ENO4: variants seen among roughly 807,000 people sequenced by gnomAD.
ENO4 encodes enolase 4.
ENO4 carries 53 observed loss-of-function variants against 63.2 expected under a neutral mutation model. The observed-to-expected ratio is 0.84, with a 90% CI of 0.67 to 1.05. The LOEUF (loss-of-function observed/expected upper bound fraction) is 1.05. Among genes scored for constraint, ENO4 ranks in the 50% least tolerant of loss-of-function variants. The pLI is 0.00. For synonymous variants in ENO4, 266 were observed against 283.8 expected, an observed-to-expected ratio of 0.94 and a Z score of 0.63; for missense variants, 719 against 772.0, an observed-to-expected ratio of 0.93 and a Z score of 0.81.
intron 13 of ENO4, 99 bp downstream of exon 13, chr10:116,880,085 A>AAGACCATACAT: frequency 1.1e-6 from 1 of 884,522 alleles, no homozygotes; most frequent in Non-Finnish European, 1.7e-6. Flanking sequence ...AGGGCAGGGG[A>AAGACCATACAT]ATCCAAAGAC....
At chr10:116,901,327 G>A (rs1847726392) in intron 10 of ENO4, 1 of 984,842 alleles carries the variant, frequency 1.0e-6, no homozygotes, top group Non-Finnish European at 1.2e-6. Context: ...AGCAATATTA[G>A]GCACATCTTT....
At chr10:116,866,431 A>G (rs1225042691) in intron 7 of ENO4, among the ~76,000 whole-genome samples, 1 of 152,238 alleles carries the variant, frequency 6.6e-6, no homozygotes, top group African/African-American at 2.4e-5. Context: ...TTGAAGCAAC[A>G]GATTTGGTTT....
In ENO4 at chr10:116,874,077, A is replaced by G. The variant is rs1284549218; in HGVS notation, c.1217A>G (p.Asn406Ser). Residue 406 changes from asparagine (N) to serine (S), a missense_variant and splice_region_variant, in exon 10 of 14, where the codon AAT becomes AGT. Asn to Ser is a conservative substitution (Grantham distance 46). Transcript: ENST00000341276. ...NCAGHELMDY[N>S]KGKYEVIMGT... ...TAATATTTTCCTGACACATATCAGA[A>G]TAAAGGAAAGTATGAAGTGATCATG... is the stretch of plus-strand genomic sequence containing the variant. The G allele has an allele frequency of 1.9e-6, 3 of 1,543,376 alleles. No homozygotes were observed. The highest frequency in any genetic ancestry group is 2.4e-5 in the South Asian group (2 of 83,288).
Position 116,856,619 on chromosome 10 carries a change from C to T in ENO4, c.422C>T (p.Thr141Ile). ...ACCGCCGTGCAGTGGGTCAACAGCA[C>T]CATCACGCACGAGCTCCAGGGGATG... ...VSTAVQWVNS[T>I]ITHELQGMAP... Residue 141 changes from threonine (T) to isoleucine (I), a missense_variant, in exon 3 of 14, where the codon ACC (threonine) becomes ATC (isoleucine). By Grantham distance (89) the Thr-to-Ile change is moderately conservative. This residue lies in a region of ENO4 where 544 missense variants were observed against 583.6 expected (regional missense o/e 0.93). Coordinates refer to ENST00000341276, the MANE Select transcript of ENO4 (RefSeq NM_001242699.2). The T allele has an allele frequency of 2.0e-6, 3 of 1,536,110 alleles. No homozygotes were observed. The highest frequency in any genetic ancestry group is 2.6e-6 in the Non-Finnish European group (3 of 1,146,912).
At chr10:116,908,799 T>G (rs1466958950) in intron 10 of ENO4, among the ~76,000 whole-genome samples, 1 of 152,194 alleles carries the variant, frequency 6.6e-6, no homozygotes, top group Non-Finnish European at 1.5e-5. Flanking sequence ...AATTCTTGAC[T>G]GTAGTAAGCT....
chr10:116,849,999 G>A (rs2133236512), intron 1 of ENO4: 2 of 630,820 alleles, frequency 3.2e-6, no homozygotes, highest in Admixed American at 5.0e-5. Flanking sequence ...GGCAGCCCAG[G>A]GGCTGGCAGG....
chr10:116,881,442 CCTT>C lies in ENO4; in HGVS notation c.1724-71_1724-69del, dbSNP rs775964686. 9.1e-5 allele frequency: 109 copies of C among 1,194,004 alleles called. 2 individuals carry two copies. The South Asian group carries it at 1.4e-3, about 15-fold the overall frequency. The allele number at this position is 1,194,004 out of a possible 1,614,324, so 74.0% of individuals were successfully genotyped here. A position where few individuals can be genotyped will look rare whatever the true frequency, so the allele number is the denominator to read the frequency against. ...TTTGGACTAGTACTGAAGATGATCT[CCTT>C]CAACTTATGTAGTATATAAAAACTG... On this transcript the variant is annotated intron_variant, in intron 13 of 13. Transcript: ENST00000341276.
At position 116,871,208 on chromosome 10, in the gene ENO4, G is replaced by A; in HGVS notation, c.1131G>A (p.Gln377=). Reference sequence around the variant, plus strand: ...TAGAACAGCCACTGCTTCTAATACAGGAAATCTGTGCCAACCTGGGGCTAG... The same window carrying A: ...TAGAACAGCCACTGCTTCTAATACAAGAAATCTGTGCCAACCTGGGGCTAG... ...DSIEQPLLLI[Q]EICANLGLEL... Residue 377 remains glutamine, a synonymous_variant, in exon 9 of 14, where the codon CAG becomes CAA. Transcript: ENST00000341276. 6.4e-7 allele frequency: 1 copy of A among 1,550,500 alleles called. No individual in the cohort carries two copies. Among genetic ancestry groups the A allele is most frequent in the Non-Finnish European group, 8.7e-7 (1 of 1,146,968 alleles).
intron 1 of ENO4, chr10:116,850,085 A>G (rs1284685051): frequency 1.9e-5 from 8 of 425,280 alleles, no homozygotes; most frequent in Middle Eastern, 3.3e-4. Context: ...CATTTTTAAC[A>G]CATACCTTAA....
chr10:116,861,021 C>A (rs1221310910), intron 5 of ENO4, 38 bp from the exon 6 acceptor site: 12 of 1,541,390 alleles, frequency 7.8e-6, no homozygotes, highest in Non-Finnish European at 1.1e-5. Flanking sequence ...ATGGATGAAC[C>A]CTGTTTCTCA....
At chr10:116,869,673 C>T (rs1846637634) in intron 8 of ENO4, among the ~76,000 whole-genome samples, 1 of 152,224 alleles carries the variant, frequency 6.6e-6, no homozygotes, top group African/African-American at 2.4e-5. Context: ...GCCACCAATT[C>T]TCAGTGCTGT....
At chr10:116,904,048 G>A (rs1321592509) in intron 10 of ENO4, among the ~76,000 whole-genome samples, 2 of 152,150 alleles carry the variant, frequency 1.3e-5, no homozygotes, top group Non-Finnish European at 2.9e-5. Context: ...TGTCCCTGGG[G>A]CAGATAACCA....
intron 2 of ENO4, among the ~76,000 whole-genome samples, 165 bp downstream of exon 2, chr10:116,855,916 T>A (rs1846245907): frequency 6.6e-6 from 1 of 152,160 alleles, no homozygotes; most frequent in Non-Finnish European, 1.5e-5. Flanking sequence ...CATGATGGCT[T>A]TATTATGTTT....
intron 3 of ENO4, among the ~76,000 whole-genome samples, chr10:116,858,004 T>G (rs917781781): frequency 2.0e-5 from 3 of 152,170 alleles, no homozygotes; most frequent in Admixed American, 6.5e-5. Context: ...ATTCCTTTTT[T>G]TTCCCCCTTC....
chr10:116,894,545 T>C (rs1476232849), intron 10 of ENO4, among the ~76,000 whole-genome samples: 4 of 152,160 alleles, frequency 2.6e-5, no homozygotes, highest in African/African-American at 9.7e-5. Context: ...TGGCAATTAA[T>C]TGTGGCTTAA....
At chr10:116,854,360 C>T (rs1478034769) in intron 1 of ENO4, among the ~76,000 whole-genome samples, 3 of 151,274 alleles carry the variant, frequency 2.0e-5, no homozygotes, top group African/African-American at 7.3e-5. Context: ...GAGTTTGAAA[C>T]TAGCCTGGCC....
chr10:116,888,378 A>G (rs1410510941), intron 10 of ENO4, among the ~76,000 whole-genome samples: 1 of 152,224 alleles, frequency 6.6e-6, no homozygotes, highest in African/African-American at 2.4e-5. Context: ...GAGTAATATT[A>G]AGGATTGATC....
At chr10:116,907,097 T>C (rs890253392) in intron 10 of ENO4, among the ~76,000 whole-genome samples, 1 of 152,170 alleles carries the variant, frequency 6.6e-6, no homozygotes, top group Admixed American at 6.5e-5. Context: ...AGAATTGATA[T>C]ATTAAACTCA....
At chr10:116,860,013 T>C (rs887164302) in intron 4 of ENO4, among the ~76,000 whole-genome samples, 2 of 152,238 alleles carry the variant, frequency 1.3e-5, no homozygotes, top group African/African-American at 4.8e-5. Context: ...CCAACATGGA[T>C]GTTCGTTTGA....
Sources: gnomAD v4.1 joint callset for allele counts (sites outside exome capture counted in the v4.1 genomes callset) on GRCh38, gnomAD v4.1.1 for gene constraint, gnomAD v4.1.1 regional missense constraint, MANE v1.5 for transcripts, NCBI Gene and HGNC (gene_info 2026-07-23, HGNC 2026-07-21) for gene names.